The following FAM149B1 variants were observed in gnomAD, a reference collection of about 807,000 sequenced individuals.
FAM149B1 encodes the protein primary cilium assembly protein FAM149B1.
FAM149B1 carries 56 observed loss-of-function variants against 75.3 expected under a neutral mutation model. That is an observed-to-expected ratio of 0.74 (90% CI 0.60 to 0.93). The LOEUF (loss-of-function observed/expected upper bound fraction) is 0.93. Ranked by LOEUF, FAM149B1 falls within the 40% of genes least tolerant of loss-of-function variation. The pLI is 0.00. For synonymous variants in FAM149B1, 259 were observed against 256.1 expected, an observed-to-expected ratio of 1.01 and a Z score of -0.11; for missense variants, 639 against 708.4, an observed-to-expected ratio of 0.90 and a Z score of 1.11.
chr10:73,217,786 T>C (rs1191651099), intron 7 of FAM149B1, among the ~76,000 whole-genome samples: 1 of 152,154 alleles, frequency 6.6e-6, no homozygotes, highest in Non-Finnish European at 1.5e-5. Context: ...GAATTACACA[T>C]AGGCATGAAC....
At chr10:73,218,992 A>T (rs1325564337) in intron 7 of FAM149B1, among the ~76,000 whole-genome samples, 1 of 152,176 alleles carries the variant, frequency 6.6e-6, no homozygotes, top group Non-Finnish European at 1.5e-5. Flanking sequence ...GCTTTTTGCC[A>T]CTAAATAACA....
At chr10:73,174,921 T>A in intron 2 of FAM149B1, 130 bp downstream of exon 2, 1 of 609,056 alleles carries the variant, frequency 1.6e-6, no homozygotes, top group Middle Eastern at 2.7e-4. Flanking sequence ...ATGTTCTCAG[T>A]ACCATTTAGT....
In FAM149B1 at chr10:73,177,989, T is replaced by C; in HGVS notation, c.282+14T>C. On this transcript the variant is annotated intron_variant, in intron 3 of 13. Transcript: ENST00000242505. Reference sequence around the variant, plus strand: ...TGGGGATATGGTGTGAGTTATATGTTATCAGTCTGATAGAGTGCTTGGGAG... The same window carrying C: ...TGGGGATATGGTGTGAGTTATATGTCATCAGTCTGATAGAGTGCTTGGGAG... 6.5e-7 allele frequency: 1 copy of C among 1,543,958 alleles called. No individual in the cohort carries two copies. Among genetic ancestry groups the C allele is most frequent in the Non-Finnish European group, 8.7e-7 (1 of 1,144,502 alleles).
intron 8 of FAM149B1, among the ~76,000 whole-genome samples, chr10:73,228,510 C>A (rs1448354259): frequency 6.6e-6 from 1 of 152,184 alleles, no homozygotes; most frequent in Non-Finnish European, 1.5e-5. Context: ...CTTAGATTCT[C>A]TATGGCCTTG....
intron 11 of FAM149B1, 82 bp from the exon 12 acceptor site, chr10:73,235,111 C>A: frequency 6.8e-7 from 1 of 1,480,944 alleles, no homozygotes; most frequent in South Asian, 1.3e-5. Context: ...CTTACCATAT[C>A]TGCCATGGTC....
At chr10:73,216,297 G>T (rs1166121501) in intron 7 of FAM149B1, among the ~76,000 whole-genome samples, 1 of 152,074 alleles carries the variant, frequency 6.6e-6, no homozygotes, top group African/African-American at 2.4e-5. Context: ...TTATGGGTAA[G>T]ATGAGTTTCT....
chr10:73,171,818 C>T (rs565106817), intron 1 of FAM149B1, among the ~76,000 whole-genome samples: 4 of 151,942 alleles, frequency 2.6e-5, no homozygotes, highest in South Asian at 4.2e-4. Context: ...TTAGTAGAGA[C>T]GGGGTTTCAC....
At chr10:73,221,338 T>TGC (rs2133384563) in intron 7 of FAM149B1, among the ~76,000 whole-genome samples, 1 of 152,036 alleles carries the variant, frequency 6.6e-6, no homozygotes, top group South Asian at 2.1e-4. Context: ...TAATATTTCT[T>TGC]GTATGTGGGT....
intron 12 of FAM149B1, chr10:73,239,062 C>T (rs2133416823): frequency 2.5e-6 from 1 of 398,866 alleles, no homozygotes. Flanking sequence ...ATTTATAACT[C>T]CTGATTTCCT....
Position 73,192,576 on chromosome 10 carries a change from T to A in FAM149B1, c.303T>A (p.Thr101=). 6.4e-7 allele frequency: 1 copy of A among 1,551,256 alleles called. No homozygotes were observed. Among genetic ancestry groups the A allele is most frequent in the Non-Finnish European group, 8.7e-7 (1 of 1,146,858 alleles). The change falls in exon 4 of 14, where the codon ACT becomes ACA. Residue 101 remains threonine (T), a synonymous_variant. Coordinates refer to ENST00000242505, the MANE Select transcript of FAM149B1 (RefSeq NM_173348.2). ...TCTAGGAACTCGATCAAAATGCCAC[T>A]GAAAAAGTCCAGACAATGTTCACAG... The part of the protein sequence containing the change: ...WGYGELDQNA[T]EKVQTMFTAI...
intron 7 of FAM149B1, among the ~76,000 whole-genome samples, chr10:73,220,190 C>T (rs1470392678): frequency 1.3e-5 from 2 of 151,810 alleles, no homozygotes; most frequent in African/African-American, 2.4e-5. Context: ...AAAACCACAA[C>T]GAGATACCAC....
At chr10:73,240,855 A>T in intron 13 of FAM149B1, 91 bp from the exon 14 acceptor site, 1 of 757,406 alleles carries the variant, frequency 1.3e-6, no homozygotes, top group Non-Finnish European at 2.3e-6. Context: ...AGTCCAATTC[A>T]TAATTGGAGC....
Position 73,208,661 on chromosome 10 carries a change from T to C in FAM149B1, c.585T>C (p.Tyr195=), listed in dbSNP as rs537255181. The change falls in exon 6 of 14, where the codon TAT becomes TAC. Residue 195 remains tyrosine (Y), a synonymous_variant. Transcript: ENST00000242505. ...AGAAGTTACATTTTTCATCTTCTTA[T>C]GCTCATAAAGCATCTTCCATTGCCA... ...RGKKLHFSSS[Y]AHKASSIAKS... is the part of the protein sequence containing the mutation. 6.5e-7 allele frequency: 1 copy of C among 1,546,588 alleles called. No homozygotes were observed.
intron 12 of FAM149B1, among the ~76,000 whole-genome samples, chr10:73,237,261 AAAACAAGAAAAGG>A (rs2043842403): frequency 6.6e-6 from 1 of 152,210 alleles, no homozygotes; most frequent in Non-Finnish European, 1.5e-5. Flanking sequence ...AAACTCACCA[AAAACAAGAAAAGG>A]AAACATGAGC....
At chr10:73,180,361 G>A (rs977774887) in intron 3 of FAM149B1, among the ~76,000 whole-genome samples, 1 of 152,170 alleles carries the variant, frequency 6.6e-6, no homozygotes, top group Non-Finnish European at 1.5e-5. Flanking sequence ...AAACCAGGGG[G>A]AGAAAAGCAC....
intron 3 of FAM149B1, among the ~76,000 whole-genome samples, chr10:73,191,104 G>A (rs181147256): frequency 8.1e-4 from 122 of 150,498 alleles, no homozygotes; most frequent in African/African-American, 2.6e-3. Flanking sequence ...GCAATGGCAC[G>A]ATCTTGGCTC....
intron 5 of FAM149B1, chr10:73,200,583 G>T: frequency 2.7e-6 from 2 of 736,130 alleles, no homozygotes; most frequent in Non-Finnish European, 4.4e-6. Context: ...TTCAGCCAAG[G>T]GTTTAAGGAT....
intron 5 of FAM149B1, among the ~76,000 whole-genome samples, chr10:73,201,554 T>C (rs1489374844): frequency 6.6e-6 from 1 of 152,208 alleles, no homozygotes; most frequent in Non-Finnish European, 1.5e-5. Flanking sequence ...ATCTGGGGAC[T>C]AAAAGATATA....
intron 7 of FAM149B1, among the ~76,000 whole-genome samples, chr10:73,216,771 T>C (rs2043307701): frequency 6.6e-6 from 1 of 152,158 alleles, no homozygotes; most frequent in Non-Finnish European, 1.5e-5. Context: ...TGCACCCCAG[T>C]ATTAAATTCT....
Sources: allele counts gnomAD v4.1 joint callset (sites outside exome capture counted in the v4.1 genomes callset), GRCh38; gene constraint gnomAD v4.1.1; transcripts MANE v1.5; gene names NCBI Gene and HGNC (gene_info 2026-07-23, HGNC 2026-07-21).